The following GRAMD1B variants were observed in gnomAD, a reference collection of about 807,000 sequenced individuals.
GRAMD1B encodes the protein protein Aster-B.
In GRAMD1B, 37 loss-of-function variants were observed where a neutral mutation model predicts 99.7. The observed-to-expected ratio is 0.37, with a 90% confidence interval of 0.29 to 0.49. The LOEUF (loss-of-function observed/expected upper bound fraction) is 0.49. GRAMD1B is among the 20% of genes least tolerant of loss of function. GRAMD1B has a pLI of 0.98. For missense variants in GRAMD1B, 888 were observed against 1,009.2 expected, an observed-to-expected ratio of 0.88 and a Z score of 1.63; for synonymous variants, 427 against 387.6, an observed-to-expected ratio of 1.10 and a Z score of -1.19.
intron 2 of GRAMD1B, among the ~76,000 whole-genome samples, chr11:123,548,315 TATATATATATACAC>T: frequency 1.1e-5 from 1 of 91,188 alleles, no homozygotes; most frequent in East Asian, 3.3e-4. Context: ...TATATATATA[TATATATATATACAC>T]ACACACACAC....
At chr11:123,466,450 GAGAAAGAAAGAAAGAAAGA>G (rs1565522540) in intron 1 of GRAMD1B, among the ~76,000 whole-genome samples, 2,555 of 150,460 alleles carry the variant, frequency 0.017, 68 homozygotes, top group African/African-American at 0.059. Context: ...AAGAAAGAAA[GAGAAAGAAAGAAAGAAAGA>G]AAAGAAAGAA....
intron 1 of GRAMD1B, among the ~76,000 whole-genome samples, chr11:123,420,321 T>C (rs1449950119): frequency 3.3e-5 from 5 of 152,192 alleles, no homozygotes; most frequent in African/African-American, 1.2e-4. Context: ...TCATCTCAGA[T>C]CTACAGGTAG....
At chr11:123,454,660 C>T (rs993114450) in intron 1 of GRAMD1B, 1 of 152,142 alleles carries the variant, frequency 6.6e-6, no homozygotes, top group Non-Finnish European at 1.5e-5. Flanking sequence ...GCAGTACTGC[C>T]ACCAGGCTCT....
At chr11:123,618,447 T>C in intron 17 of GRAMD1B, 1 of 1,137,782 alleles carries the variant, frequency 8.8e-7, no homozygotes, top group Non-Finnish European at 1.3e-6. Flanking sequence ...TCTGGGTGCC[T>C]ATGCATCTCT....
intron 1 of GRAMD1B, among the ~76,000 whole-genome samples, chr11:123,465,594 C>T (rs997834715): frequency 7.9e-5 from 12 of 151,448 alleles, no homozygotes; most frequent in Admixed American, 2.0e-4. Flanking sequence ...TGGTGAAACC[C>T]CATCTCTACT....
chr11:123,603,286 G>T (rs755625505), intron 8 of GRAMD1B, 140 bp from the exon 9 acceptor site: 20 of 629,664 alleles, frequency 3.2e-5, no homozygotes, highest in Non-Finnish European at 4.9e-5. Context: ...GGCAGATGGG[G>T]GTGGTGGCTC....
intron 2 of GRAMD1B, among the ~76,000 whole-genome samples, chr11:123,545,634 T>C (rs913920963): frequency 5.3e-5 from 8 of 152,246 alleles, no homozygotes; most frequent in African/African-American, 1.9e-4. Context: ...AGGCTTATGA[T>C]AGTGCTCATT....
intron 3 of GRAMD1B, chr11:123,578,517 C>A (rs1410196440): frequency 2.2e-6 from 2 of 923,902 alleles, no homozygotes; most frequent in African/African-American, 1.6e-5. Flanking sequence ...TCTGGCCCTG[C>A]CGATTCTGGC....
At chr11:123,554,478 C>T (rs1290161403) in intron 2 of GRAMD1B, among the ~76,000 whole-genome samples, 2 of 134,070 alleles carry the variant, frequency 1.5e-5, no homozygotes, top group Admixed American at 1.7e-4. Flanking sequence ...CGCTTGAGCC[C>T]AGGAGTTTCA....
intron 6 of GRAMD1B, among the ~76,000 whole-genome samples, chr11:123,595,343 A>G (rs1951144839): frequency 6.6e-6 from 1 of 151,490 alleles, no homozygotes; most frequent in South Asian, 2.1e-4. Context: ...GTACAATGGC[A>G]GAATCTTGGC....
intron 2 of GRAMD1B, among the ~76,000 whole-genome samples, chr11:123,536,434 G>T (rs1943967100): frequency 6.6e-6 from 1 of 152,044 alleles, no homozygotes; most frequent in Admixed American, 6.6e-5. Flanking sequence ...GTAAATAAAT[G>T]AAAAATAAAA....
intron 2 of GRAMD1B, among the ~76,000 whole-genome samples, chr11:123,560,071 C>CCG (rs895397685): frequency 2.0e-5 from 3 of 150,498 alleles, no homozygotes; most frequent in Non-Finnish European, 4.4e-5. Flanking sequence ...AATAACCCCC[C>CCG]CCCCCGCAGC....
At chr11:123,417,549 A>G (rs1948272573) in intron 1 of GRAMD1B, among the ~76,000 whole-genome samples, 1 of 152,234 alleles carries the variant, frequency 6.6e-6, no homozygotes, top group African/African-American at 2.4e-5. Context: ...ACGTGAGAAC[A>G]TAAGCTCTGG....
At chr11:123,390,347 A>AC (rs1160119201) in intron 1 of GRAMD1B, among the ~76,000 whole-genome samples, 1 of 151,506 alleles carries the variant, frequency 6.6e-6, no homozygotes, top group Non-Finnish European at 1.5e-5. Context: ...TTCCTTCCTC[A>AC]CCTCCTGCCT....
chr11:123,456,919 CAAAAAA>C (rs546768047), intron 1 of GRAMD1B, among the ~76,000 whole-genome samples: 2 of 81,806 alleles, frequency 2.4e-5, no homozygotes, highest in South Asian at 4.8e-4. Context: ...GACTCTGTCT[CAAAAAA>C]AAAAAAAAAA....
intron 2 of GRAMD1B, among the ~76,000 whole-genome samples, chr11:123,513,574 TTCCTTTCCTTCCTTCCTTCC>T (rs1214390265): frequency 6.8e-4 from 65 of 95,126 alleles, no homozygotes; most frequent in African/African-American, 2.5e-3. Flanking sequence ...CCTTCCTTCC[TTCCTTTCCTTCCTTCCTTCC>T]TTCCTTCCTT....
At chr11:123,609,268 G>A (rs531140147) in intron 12 of GRAMD1B, among the ~76,000 whole-genome samples, 1 of 152,242 alleles carries the variant, frequency 6.6e-6, no homozygotes, top group South Asian at 2.1e-4. Context: ...GCTAGGCCGG[G>A]CCTCACATCT....
chr11:123,493,335 C>G (rs2135055963), intron 2 of GRAMD1B, among the ~76,000 whole-genome samples: 1 of 152,330 alleles, frequency 6.6e-6, no homozygotes, highest in Middle Eastern at 3.4e-3. Context: ...CTGGACGTAG[C>G]ACACAGTAAG....
At chr11:123,359,508 A>G (rs770989148) in intron 1 of GRAMD1B, among the ~76,000 whole-genome samples, 2 of 152,074 alleles carry the variant, frequency 1.3e-5, no homozygotes, top group Non-Finnish European at 2.9e-5. Context: ...GTTTGCACCC[A>G]TCAGCCAACC....
Sources: allele counts gnomAD v4.1 joint callset (sites outside exome capture counted in the v4.1 genomes callset), GRCh38; gene constraint gnomAD v4.1.1; transcripts MANE v1.5; gene names NCBI Gene and HGNC (gene_info 2026-07-23, HGNC 2026-07-21).